ABCA7: variants seen among roughly 807,000 people sequenced by gnomAD.
ABCA7 encodes the protein ATP binding cassette subfamily A member 7.
A neutral mutation model predicts 227.6 loss-of-function variants in ABCA7; 261 were observed. That is an observed-to-expected ratio of 1.15 (90% CI 1.04 to 1.27). The LOEUF is 1.27. Ranked by LOEUF, ABCA7 falls within the 50% of genes most tolerant of loss-of-function variation. The pLI, the probability that ABCA7 is intolerant of heterozygous loss-of-function variation, is 0.00. For missense variants in ABCA7, 3,331 were observed against 2,924.5 expected (o/e 1.14, Z -3.21); for synonymous variants, 1,488 against 1,279.7 (o/e 1.16, Z -3.47).
At chr19:1,055,838 C>T in intron 30 of ABCA7, 69 bp from the exon 31 acceptor site, 3 of 1,452,174 alleles carry the variant, frequency 2.1e-6, no homozygotes, top group Non-Finnish European at 2.8e-6. Context: ...ACTCTGTGCT[C>T]CCCTCTCACC....
intron 16 of ABCA7, 144 bp downstream of exon 16, chr19:1,047,798 C>A: frequency 1.1e-6 from 1 of 951,508 alleles, no homozygotes; most frequent in Non-Finnish European, 1.5e-6. Flanking sequence ...CACACGCATG[C>A]AGGTGGCTGC....
Position 1,049,201 on chromosome 19 carries a change from C to G in ABCA7, c.2381-65C>G, listed in dbSNP as rs113075802. On this transcript the variant is annotated intron_variant, in intron 17 of 46. Coordinates refer to ENST00000263094, the MANE Select transcript of ABCA7 (RefSeq NM_019112.4). ...AGGTCCCGGATTCCACAGCCCAGCT[C>G]TGAGGGACTTGCAGGCCCCAGGACC... 4 of 1,524,290 alleles carry G rather than the reference C, an allele frequency of 2.6e-6. No homozygotes were observed. In the African/African-American group the frequency reaches 5.5e-5, roughly 21 times the overall value. 94.4% of individuals were successfully genotyped at this position (1,524,290 alleles called of 1,614,324 possible). A position where few individuals can be genotyped will look rare whatever the true frequency, so the allele number is the denominator to read the frequency against.
Position 1,047,349 on chromosome 19 carries a change from C to T in ABCA7, c.2038C>T (p.Arg680Trp), listed in dbSNP as rs375628486. ...PYVLCVAWRD[R>W]LPAGGRVAAS... Reference sequence around the variant, plus strand: ...CGTGCTGTGTGTGGCTTGGCGGGACCGGCTGCCCGCGGGTGGCCGCGTGGC... The same window carrying T: ...CGTGCTGTGTGTGGCTTGGCGGGACTGGCTGCCCGCGGGTGGCCGCGTGGC... The change falls in exon 15 of 47, where the codon CGG (arginine) becomes TGG (tryptophan). Residue 680 changes from arginine (R) to tryptophan (W), a missense_variant. By Grantham distance (101) the Arg-to-Trp change is moderately radical. Transcript: ENST00000263094. 6.3e-6 allele frequency: 10 copies of T among 1,578,882 alleles called. No individual in the cohort carries two copies. The highest frequency in any genetic ancestry group is 8.6e-6 in the Non-Finnish European group (10 of 1,167,756).
In ABCA7 at chr19:1,057,099, T is replaced by A; in HGVS notation, c.4764+15T>A. The A allele has an allele frequency of 6.2e-7, 1 of 1,605,714 alleles. No individual in the cohort carries two copies. The highest frequency in any genetic ancestry group is 8.5e-7 in the Non-Finnish European group (1 of 1,175,870). ...TCTGGGACATGGTGCGGGGGCTGCT[T>A]GGACGGGTGGGGGCCCAGCCACTGC... is the stretch of plus-strand genomic sequence containing the variant. On this transcript the variant is annotated intron_variant, in intron 34 of 46. Coordinates refer to ENST00000263094, the MANE Select transcript of ABCA7 (RefSeq NM_019112.4).
intron 12 of ABCA7, 54 bp from the exon 13 acceptor site, chr19:1,046,176 G>T: frequency 6.3e-7 from 1 of 1,584,242 alleles, no homozygotes; most frequent in Non-Finnish European, 8.6e-7. Flanking sequence ...TCAGGGTGGG[G>T]CCCCGGGAGT....
chr19:1,064,857 T>C, intron 45 of ABCA7, 74 bp from the exon 46 acceptor site: 1 of 1,490,772 alleles, frequency 6.7e-7, no homozygotes, highest in African/African-American at 1.4e-5. Context: ...CAGAGAGTAT[T>C]AGGGGCTGGA....
intron 35 of ABCA7, 79 bp downstream of exon 35, chr19:1,057,508 C>G: frequency 1.5e-6 from 2 of 1,347,396 alleles, no homozygotes. Flanking sequence ...AGATAGAACT[C>G]TGCAGTGACT....
intron 17 of ABCA7, 43 bp downstream of exon 17, chr19:1,049,048 C>T (rs1417431732): frequency 9.0e-7 from 1 of 1,107,760 alleles, no homozygotes; most frequent in Non-Finnish European, 1.3e-6. Context: ...CCACATATGC[C>T]CAGTTCCCCC....
chr19:1,053,661 G>T, intron 24 of ABCA7, 127 bp from the exon 25 acceptor site: 1 of 1,511,222 alleles, frequency 6.6e-7, no homozygotes, highest in Non-Finnish European at 9.0e-7. Context: ...CACATGAGGA[G>T]CTCTGGTGGC....
chr19:1,056,458 C>A lies in ABCA7; in HGVS notation c.4545C>A (p.His1515Gln), dbSNP rs780519015. ...CCCACAGCATCACCACACTCAACCA[C>A]CCCTTGAACCTCACCAAGGAGCAGC... ...RHAHSITTLN[H>Q]PLNLTKEQLS... The change falls in exon 33 of 47, where the codon CAC (histidine) becomes CAA (glutamine). Residue 1515 changes from histidine (H) to glutamine (Q), a missense_variant. Coordinates refer to ENST00000263094, the MANE Select transcript of ABCA7 (RefSeq NM_019112.4). This position sits in a 1 kb window ranked among gnomAD's most constrained non-coding sequence, Gnocchi z 4.3. 1.1e-5 allele frequency: 18 copies of A among 1,613,548 alleles called. 1 individual carries two copies. Among genetic ancestry groups the A allele is most frequent in the Admixed American group, 1.7e-5 (1 of 59,992 alleles).
At chr19:1,064,283 G>C (rs1273525127) in intron 45 of ABCA7, 30 bp downstream of exon 45, 1 of 1,534,300 alleles carries the variant, frequency 6.5e-7, no homozygotes, top group East Asian at 2.4e-5. Context: ...AGGCAGGTGT[G>C]GGGTGAGGGT....
chr19:1,043,389 G>A lies in ABCA7; in HGVS notation c.846G>A (p.Leu282=), dbSNP rs1054762411. 1.2e-6 allele frequency: 2 copies of A among 1,613,220 alleles called. No individual in the cohort carries two copies. Among genetic ancestry groups the A allele is most frequent in the African/African-American group, 2.7e-5 (2 of 74,936 alleles). ...TGGACAGCCACCCGCTGTCCCGCCT[G>A]CTCTGGAGACGCCTGAAGCCTCTGA... ...GALDSHPLSR[L]LWRRLKPLIL... The change falls in exon 9 of 47, where the codon CTG becomes CTA. Residue 282 remains leucine (L), a synonymous_variant. Coordinates refer to ENST00000263094, the MANE Select transcript of ABCA7 (RefSeq NM_019112.4).
At chr19:1,057,242 G>T (rs2042335826) in intron 34 of ABCA7, 72 bp from the exon 35 acceptor site, 2 of 1,583,174 alleles carry the variant, frequency 1.3e-6, no homozygotes, top group Admixed American at 1.7e-5. Flanking sequence ...GGAGGTCAGG[G>T]TGGGAACAGG....
chr19:1,064,982 G>A lies in ABCA7; in HGVS notation c.6096G>A (p.Gln2032=), dbSNP rs1410007221. The change falls in exon 46 of 47, where the codon CAG becomes CAA. Residue 2032 remains glutamine (Q), a synonymous_variant. Coordinates refer to ENST00000263094, the MANE Select transcript of ABCA7 (RefSeq NM_019112.4). ...TGCGGGTGCCCGCCGCAAGGTCCCA[G>A]CCGGCAGCGGCCTTCGTGGCGGCCG... ...LTLRVPAARS[Q]PAAAFVAAEF... 18 of 1,554,156 alleles carry A rather than the reference G, an allele frequency of 1.2e-5. No homozygotes were observed. Among genetic ancestry groups the A allele is most frequent in the Non-Finnish European group, 5.2e-6 (6 of 1,150,492 alleles).
rs866408574 is a variant in ABCA7 at position 1,046,151 on chromosome 19, T to C, written c.1446-79T>C. ...CTGGGCGACAGAGCAAGACCCTGTCTAAGAAAAAGGTTATTCAGGGTGGGG... is the reference window on the plus strand; with the variant it reads ...CTGGGCGACAGAGCAAGACCCTGTCCAAGAAAAAGGTTATTCAGGGTGGGG... On this transcript the variant is annotated intron_variant, in intron 12 of 46. Coordinates refer to ENST00000263094, the MANE Select transcript of ABCA7 (RefSeq NM_019112.4). 14 of 1,503,160 alleles carry C rather than the reference T, an allele frequency of 9.3e-6. 1 individual carries two copies. In the Middle Eastern group the frequency reaches 2.4e-3, roughly 262 times the overall value. The allele number at this position is 1,503,160 out of a possible 1,614,324, so 93.1% of individuals were successfully genotyped here. A position where few individuals can be genotyped will look rare whatever the true frequency, so the allele number is the denominator to read the frequency against.
chr19:1,056,033 C>T lies in ABCA7; in HGVS notation c.4239-33C>T. ...GAGCTCTCCCGGCCCCCCCGGCCCTCAGCTCCCCTTCCCTGCCTGCATGGC... is the reference window on the plus strand; with the variant it reads ...GAGCTCTCCCGGCCCCCCCGGCCCTTAGCTCCCCTTCCCTGCCTGCATGGC... On this transcript the variant is annotated intron_variant, in intron 31 of 46. Coordinates refer to ENST00000263094, the MANE Select transcript of ABCA7 (RefSeq NM_019112.4). This position sits in a 1 kb window ranked among gnomAD's most constrained non-coding sequence, Gnocchi z 4.3. 1.3e-6 allele frequency: 2 copies of T among 1,562,198 alleles called. No homozygotes were observed. Among genetic ancestry groups the T allele is most frequent in the Non-Finnish European group, 1.7e-6 (2 of 1,150,382 alleles).
In ABCA7 at chr19:1,043,417, C is replaced by T. The variant is rs1450520121; in HGVS notation, c.874C>T (p.Leu292Phe). ...LLWRRLKPLILGKLLFAPDTP... is the reference protein window; with the variant it reads ...LLWRRLKPLIFGKLLFAPDTP... Reference sequence around the variant, plus strand: ...CTGGAGACGCCTGAAGCCTCTGATCCTCGGGAAGCTACTCTTTGCACCAGA... The same window carrying T: ...CTGGAGACGCCTGAAGCCTCTGATCTTCGGGAAGCTACTCTTTGCACCAGA... The change falls in exon 9 of 47, where the codon CTC becomes TTC. Residue 292 changes from leucine to phenylalanine, a missense_variant. Coordinates refer to ENST00000263094, the MANE Select transcript of ABCA7 (RefSeq NM_019112.4). 6.2e-6 allele frequency: 10 copies of T among 1,613,330 alleles called. No homozygotes were observed. Among genetic ancestry groups the T allele is most frequent in the Non-Finnish European group, 8.5e-6 (10 of 1,180,034 alleles).
intron 9 of ABCA7, 123 bp downstream of exon 9, chr19:1,043,596 G>C (rs1042997911): frequency 4.5e-6 from 7 of 1,566,218 alleles, no homozygotes; most frequent in African/African-American, 4.1e-5. Flanking sequence ...GTAGGAGTTA[G>C]CCGATGGAGG....
In ABCA7 at chr19:1,058,622, C is replaced by G; in HGVS notation, c.5154C>G (p.Asp1718Glu). Residue 1718 changes from aspartate (D) to glutamate (E), a missense_variant, in exon 38 of 47, where the codon GAC becomes GAG. Transcript: ENST00000263094. Reference sequence around the variant, plus strand: ...CCCTCCTTTCTATATCCACAGGAGACAGGCAGTTCCAGTCACCCCTGCGCT... The same window carrying G: ...CCCTCCTTTCTATATCCACAGGAGAGAGGCAGTTCCAGTCACCCCTGCGCT... Reference protein sequence around the residue: ...AMADAFERLGDRQFQSPLRWE... With the variant: ...AMADAFERLGERQFQSPLRWE... The G allele has an allele frequency of 6.2e-7, 1 of 1,613,776 alleles. No individual in the cohort carries two copies. Among genetic ancestry groups the G allele is most frequent in the Non-Finnish European group, 8.5e-7 (1 of 1,179,970 alleles).
Sources: allele counts gnomAD v4.1 joint callset, GRCh38; gene constraint gnomAD v4.1.1; non-coding constraint Gnocchi (gnomAD v3.1); transcripts MANE v1.5; gene names NCBI Gene and HGNC (gene_info 2026-07-23, HGNC 2026-07-21).